PLD6: variants seen among roughly 807,000 people sequenced by gnomAD.
PLD6 encodes phospholipase D family member 6.
PLD6 carries 10 observed loss-of-function variants against 9.7 expected under a neutral mutation model. The ratio of observed to expected loss-of-function variants is 1.03; its 90% CI spans 0.64 to 1.75. The LOEUF is 1.75. Among genes scored for constraint, PLD6 ranks in the 40% most tolerant of loss-of-function variants. PLD6 has a pLI of 0.00. For synonymous variants in PLD6, 152 were observed against 159.2 expected, an observed-to-expected ratio of 0.96 and a Z score of 0.34; for missense variants, 334 against 347.6, an observed-to-expected ratio of 0.96 and a Z score of 0.31.
chr17:17,201,287 G>A lies in PLD6; in HGVS notation c.*1480C>T, dbSNP rs1296423375. ...GAAGGGTCTCTGGGTGGTAATGCCA[G>A]CGTGGGCTGGGGAGGTGAGACTAAG... On this transcript the variant is annotated 3_prime_UTR_variant, in exon 2 of 2. Transcript: ENST00000321560. The A allele has an allele frequency of 6.6e-6, 1 of 152,296 alleles. No homozygotes were observed. The highest frequency in any genetic ancestry group is 2.4e-5 in the African/African-American group (1 of 41,476). The allele number at this position is 152,296 out of a possible 1,614,324, so 9.4% of individuals were successfully genotyped here.
rs1473976455 is a variant in PLD6, at chr17:17,202,747, G to A, written c.*20C>T. On this transcript the variant is annotated 3_prime_UTR_variant, in exon 2 of 2. Transcript: ENST00000321560. The stretch of plus-strand genomic sequence containing the variant: ...CAGAACGCACAGCAGCCCGCAGGGA[G>A]GGCTCAGCCCCATTCTTGGTTAGGT... 3 of 1,601,028 alleles carry A rather than the reference G, an allele frequency of 1.9e-6. No homozygotes were observed. The highest frequency in any genetic ancestry group is 1.1e-5 in the South Asian group (1 of 90,132).
At position 17,205,965 on chromosome 17, in the gene PLD6, G is replaced by A; in HGVS notation, c.322C>T (p.Arg108Cys). The change falls in exon 1 of 2, where the codon CGC (arginine) becomes TGC (cysteine). Residue 108 changes from arginine (R) to cysteine (C), a missense_variant. Arg to Cys is a radical substitution (Grantham distance 180). Coordinates refer to ENST00000321560, the MANE Select transcript of PLD6 (RefSeq NM_178836.4). ...CGCTGGTGCAGCAACTGCACGGCGC[G>A]GCCCAGCTGCGGGCTGGAGAAGGCG... The part of the protein sequence containing the change: ...LFAFSSPQLG[R>C]AVQLLHQRGV... 3 of 1,556,918 alleles carry A rather than the reference G, an allele frequency of 1.9e-6. No individual in the cohort carries two copies. Among genetic ancestry groups the A allele is most frequent in the Non-Finnish European group, 2.6e-6 (3 of 1,152,074 alleles).
chr17:17,206,166 C>A lies in PLD6; in HGVS notation c.121G>T (p.Ala41Ser). The change falls in exon 1 of 2, where the codon GCG (alanine) becomes TCG (serine). Residue 41 changes from alanine to serine, a missense_variant. Ala to Ser is a moderately conservative substitution (Grantham distance 99). Coordinates refer to ENST00000321560, the MANE Select transcript of PLD6 (RefSeq NM_178836.4). ...GTCACCTGAGACGGGAAGAACAGCG[C>A]CTCGCGCCGCGGCCGCCGCCGCCTG... ...RSRRRRPRRE[A>S]LFFPSQVTCT... 1 of 1,505,760 alleles carries A rather than the reference C, an allele frequency of 6.6e-7. No individual in the cohort carries two copies. Among genetic ancestry groups the A allele is most frequent in the East Asian group, 2.7e-5 (1 of 36,596 alleles). 93.3% of individuals were successfully genotyped at this position (1,505,760 alleles called of 1,614,324 possible).
Position 17,206,228 on chromosome 17 carries a change from A to T in PLD6, c.59T>A (p.Leu20Gln). The change falls in exon 1 of 2, where the codon CTG becomes CAG. Residue 20 changes from leucine to glutamine, a missense_variant. Leu to Gln is a moderately radical substitution (Grantham distance 113). Coordinates refer to ENST00000321560, the MANE Select transcript of PLD6 (RefSeq NM_178836.4). ...GCGCAGCACCCAAGGCAGCGCCTCC[A>T]GAGTCAGAGCCAGGCCCACAGCCGC... ...AAAAVGLALT[L>Q]EALPWVLRWL... 6.5e-7 allele frequency: 1 copy of T among 1,545,270 alleles called. No individual in the cohort carries two copies. Among genetic ancestry groups the T allele is most frequent in the Non-Finnish European group, 8.6e-7 (1 of 1,156,630 alleles).
In PLD6 at chr17:17,205,994, A is replaced by T. The variant is rs375574430; in HGVS notation, c.293T>A (p.Leu98Gln). Residue 98 changes from leucine (L) to glutamine (Q), a missense_variant, in exon 1 of 2, where the codon CTG becomes CAG. Leu to Gln is a moderately radical substitution (Grantham distance 113). Coordinates refer to ENST00000321560, the MANE Select transcript of PLD6 (RefSeq NM_178836.4). ...CAGCTGCGGGCTGGAGAAGGCGAAC[A>T]GGCAGAGATCCAGGCTGGCGCGGGC... ...LAARASLDLCLFAFSSPQLGR... is the reference protein window; with the variant it reads ...LAARASLDLCQFAFSSPQLGR... 1 of 1,551,832 alleles carries T rather than the reference A, an allele frequency of 6.4e-7. No homozygotes were observed. Among genetic ancestry groups the T allele is most frequent in the African/African-American group, 1.4e-5 (1 of 73,516 alleles).
Position 17,201,458 on chromosome 17 carries a change from T to C in PLD6, c.*1309A>G, listed in dbSNP as rs892885837. 3.3e-5 allele frequency: 5 copies of C among 152,220 alleles called. No homozygotes were observed. The highest frequency in any genetic ancestry group is 2.0e-4 in the Admixed American group (3 of 15,284). 9.4% of individuals were successfully genotyped at this position (152,220 alleles called of 1,614,324 possible). The stretch of plus-strand genomic sequence containing the variant: ...ACAAATAACCTGGAACATTTCACAG[T>C]GTACGACACCTGTTCTACCTGGGAA... On this transcript the variant is annotated 3_prime_UTR_variant, in exon 2 of 2. Coordinates refer to ENST00000321560, the MANE Select transcript of PLD6 (RefSeq NM_178836.4).
At chr17:17,203,740 G>A (rs1016019437) in intron 1 of PLD6, among the ~76,000 whole-genome samples, 6 of 152,158 alleles carry the variant, frequency 3.9e-5, no homozygotes, top group African/African-American at 7.2e-5. Context: ...CCTCACTCAC[G>A]ACCTGCTTAA....
intron 1 of PLD6, among the ~76,000 whole-genome samples, chr17:17,204,841 T>C (rs531853053): frequency 2.3e-4 from 35 of 152,218 alleles, no homozygotes; most frequent in African/African-American, 8.2e-4. Flanking sequence ...GCGTGCAACA[T>C]GCCCCACACC....
At chr17:17,203,711 C>G (rs1414834820) in intron 1 of PLD6, among the ~76,000 whole-genome samples, 1 of 152,232 alleles carries the variant, frequency 6.6e-6, no homozygotes. Context: ...CTGTGTCTGT[C>G]TCCCCTGGAA....
chr17:17,204,391 A>ACC (rs1433610620), intron 1 of PLD6: 1 of 152,388 alleles, frequency 6.6e-6, no homozygotes, highest in Non-Finnish European at 1.5e-5. Flanking sequence ...CTGCCTCCTT[A>ACC]CCCTGCTTTA....
chr17:17,205,762 G>T, intron 1 of PLD6, 98 bp downstream of exon 1: 2 of 1,370,248 alleles, frequency 1.5e-6, no homozygotes, highest in Non-Finnish European at 2.0e-6. Context: ...TGAGGCCTCA[G>T]CCCGTCCCCA....
chr17:17,202,500 T>G lies in PLD6; in HGVS notation c.*267A>C, dbSNP rs945606676. 8.8e-6 allele frequency: 4 copies of G among 454,504 alleles called. No individual in the cohort carries two copies. Among genetic ancestry groups the G allele is most frequent in the African/African-American group, 7.8e-5 (4 of 51,276 alleles). The allele number at this position is 454,504 out of a possible 1,614,324, so 28.2% of individuals were successfully genotyped here. A position where few individuals can be genotyped will look rare whatever the true frequency, so the allele number is the denominator to read the frequency against. ...CCTTTTCTGTGCTGTAGCAGAAGTT[T>G]CGATTCCAAACCAAGATACGGACCA... On this transcript the variant is annotated 3_prime_UTR_variant, in exon 2 of 2. Transcript: ENST00000321560.
At chr17:17,205,706 T>C (rs2046712851) in intron 1 of PLD6, among the ~76,000 whole-genome samples, 154 bp downstream of exon 1, 1 of 152,144 alleles carries the variant, frequency 6.6e-6, no homozygotes, top group South Asian at 2.1e-4. Context: ...CTCTGCTTTC[T>C]CCGCGTTACA....
At chr17:17,203,149 T>A (rs2046689364) in intron 1 of PLD6, 51 bp from the exon 2 acceptor site, 2 of 1,547,824 alleles carry the variant, frequency 1.3e-6, no homozygotes. Flanking sequence ...CCGCCCCCAG[T>A]GTGGACTGTT....
At chr17:17,203,239 G>A (rs542678889) in intron 1 of PLD6, 141 bp from the exon 2 acceptor site, 21 of 861,612 alleles carry the variant, frequency 2.4e-5, no homozygotes, top group Middle Eastern at 3.2e-4. Flanking sequence ...GAGTGGTGGC[G>A]GCTAAGCTCC....
In PLD6 at chr17:17,202,525, A is replaced by G; in HGVS notation, c.*242T>C. 1 of 535,788 alleles carries G rather than the reference A, an allele frequency of 1.9e-6. No individual in the cohort carries two copies. Among genetic ancestry groups the G allele is most frequent in the Non-Finnish European group, 3.3e-6 (1 of 298,968 alleles). 33.2% of individuals were successfully genotyped at this position (535,788 alleles called of 1,614,324 possible). On this transcript the variant is annotated 3_prime_UTR_variant, in exon 2 of 2. Coordinates refer to ENST00000321560, the MANE Select transcript of PLD6 (RefSeq NM_178836.4). ...TCGATTCCAAACCAAGATACGGACC[A>G]CACTCATGAAAGCACCCCGTGGCAG...
rs1004173095 is a variant in PLD6, at chr17:17,202,578, G to A, written c.*189C>T. The A allele has an allele frequency of 3.2e-6, 2 of 627,064 alleles. No individual in the cohort carries two copies. Among genetic ancestry groups the A allele is most frequent in the Non-Finnish European group, 2.7e-6 (1 of 365,566 alleles). 38.8% of individuals were successfully genotyped at this position (627,064 alleles called of 1,614,324 possible). On this transcript the variant is annotated 3_prime_UTR_variant, in exon 2 of 2. Coordinates refer to ENST00000321560, the MANE Select transcript of PLD6 (RefSeq NM_178836.4). ...CGTGACTGAAGTTATTTTGGCAAAGGAGCAAGAAAAAGGTCTGGCCCGAAA... is the reference window on the plus strand; with the variant it reads ...CGTGACTGAAGTTATTTTGGCAAAGAAGCAAGAAAAAGGTCTGGCCCGAAA...
chr17:17,203,140 C>A, intron 1 of PLD6, 42 bp from the exon 2 acceptor site: 1 of 1,578,020 alleles, frequency 6.3e-7, no homozygotes, highest in Non-Finnish European at 8.7e-7. Flanking sequence ...GCAGGAGTCC[C>A]GCCCCCAGTG....
At position 17,202,319 on chromosome 17, in the gene PLD6, C is replaced by T. The variant is rs1192158616; in HGVS notation, c.*448G>A. On this transcript the variant is annotated 3_prime_UTR_variant, in exon 2 of 2. Transcript: ENST00000321560. ...CCTGACAGGGGCAGACTGTGAGGGA[C>T]AAGGAGACTGTAGGCCCCAACCAAC... 1 of 170,022 alleles carries T rather than the reference C, an allele frequency of 5.9e-6. No individual in the cohort carries two copies. Among genetic ancestry groups the T allele is most frequent in the Non-Finnish European group, 1.3e-5 (1 of 77,540 alleles). 10.5% of individuals were successfully genotyped at this position (170,022 alleles called of 1,614,324 possible).
Sources: allele counts gnomAD v4.1 joint callset (sites outside exome capture counted in the v4.1 genomes callset), GRCh38; gene constraint gnomAD v4.1.1; transcripts MANE v1.5; gene names NCBI Gene and HGNC (gene_info 2026-07-23, HGNC 2026-07-21).